FBXL13: variants seen among roughly 807,000 people sequenced by gnomAD.
FBXL13 encodes F-box and leucine rich repeat protein 13.
A neutral mutation model predicts 83.6 loss-of-function variants in FBXL13; 67 were observed. That is an observed-to-expected ratio of 0.80 (90% CI 0.66 to 0.98). The LOEUF is 0.98. FBXL13 is among the 50% of genes least tolerant of loss of function. The pLI is 0.00. For missense variants in FBXL13, 822 were observed against 866.5 expected (o/e 0.95, Z 0.64); for synonymous variants, 272 against 299.5 (o/e 0.91, Z 0.95).
chr7:102,925,940 C>CA (rs66682276), intron 10 of FBXL13, among the ~76,000 whole-genome samples: 6,585 of 100,906 alleles, frequency 0.065, 247 homozygotes, highest in South Asian at 0.15. Flanking sequence ...GACTCTGTCT[C>CA]AAAAAAAAAA....
chr7:102,897,483 T>C (rs1812399857), intron 11 of FBXL13, among the ~76,000 whole-genome samples: 1 of 151,852 alleles, frequency 6.6e-6, no homozygotes, highest in South Asian at 2.1e-4. Context: ...GGGAGGGGAA[T>C]ATAAATGGGA....
At chr7:103,015,680 C>CCAGTTATTTG (rs1792209697) in intron 6 of FBXL13, among the ~76,000 whole-genome samples, 1 of 151,376 alleles carries the variant, frequency 6.6e-6, no homozygotes, top group South Asian at 2.1e-4. Flanking sequence ...GCCTGTAATT[C>CCAGTTATTTG]CAGTTATTTG....
intron 8 of FBXL13, among the ~76,000 whole-genome samples, chr7:102,955,597 G>T (rs896757272): frequency 2.0e-5 from 3 of 150,338 alleles, no homozygotes; most frequent in Non-Finnish European, 4.4e-5. Context: ...ATGAATCCAG[G>T]AGTTTTTTTT....
At chr7:102,948,744 C>T (rs1822944367) in intron 8 of FBXL13, among the ~76,000 whole-genome samples, 1 of 151,546 alleles carries the variant, frequency 6.6e-6, no homozygotes, top group East Asian at 1.9e-4. Context: ...CACAGTCTCG[C>T]TCTGTCACCC....
chr7:103,027,376 CA>C, intron 5 of FBXL13, 72 bp downstream of exon 6: 1 of 927,290 alleles, frequency 1.1e-6, no homozygotes. Flanking sequence ...CCACACACGG[CA>C]TTACTATTTG....
chr7:102,938,469 G>T (rs542745623), intron 8 of FBXL13, among the ~76,000 whole-genome samples: 1 of 152,180 alleles, frequency 6.6e-6, no homozygotes, highest in Admixed American at 6.5e-5. Flanking sequence ...ATTACCTGGA[G>T]AAATTTCCTA....
At chr7:102,972,814 T>C (rs1263621877) in intron 6 of FBXL13, among the ~76,000 whole-genome samples, 1 of 151,844 alleles carries the variant, frequency 6.6e-6, no homozygotes, top group Non-Finnish European at 1.5e-5. Context: ...TTTAACAAAA[T>C]GTATTGGTTA....
chr7:103,067,253 T>C (rs1798491716), intron 1 of FBXL13, among the ~76,000 whole-genome samples: 1 of 152,154 alleles, frequency 6.6e-6, no homozygotes, highest in Non-Finnish European at 1.5e-5. Context: ...CTGCTGGATA[T>C]TTGAGTTTTA....
At chr7:103,066,483 C>T (rs146168221) in intron 1 of FBXL13, among the ~76,000 whole-genome samples, 1,667 of 152,128 alleles carry the variant, frequency 0.011, 34 homozygotes, top group African/African-American at 0.039. Context: ...GCTCTGCCTC[C>T]CGGGTTCACA....
intron 10 of FBXL13, among the ~76,000 whole-genome samples, chr7:102,915,900 A>G (rs1000360631): frequency 8.5e-5 from 13 of 152,220 alleles, no homozygotes; most frequent in African/African-American, 2.9e-4. Context: ...TTATATGAGT[A>G]AAAATGTCCC....
At chr7:102,970,501 G>A (rs967638285) in intron 6 of FBXL13, among the ~76,000 whole-genome samples, 2 of 152,108 alleles carry the variant, frequency 1.3e-5, no homozygotes, top group African/African-American at 2.4e-5. Flanking sequence ...GGTTCCACTG[G>A]TAATAACTCT....
intron 17 of FBXL13, among the ~76,000 whole-genome samples, chr7:102,854,032 A>C (rs1306247878): frequency 6.6e-6 from 1 of 152,212 alleles, no homozygotes; most frequent in African/African-American, 2.4e-5. Context: ...TATATACCCA[A>C]AGGACTATAA....
At chr7:102,996,951 A>G (rs1397468083) in intron 6 of FBXL13, among the ~76,000 whole-genome samples, 1 of 152,190 alleles carries the variant, frequency 6.6e-6, no homozygotes, top group Non-Finnish European at 1.5e-5. Context: ...ACCATTGGTT[A>G]TATTTTATTA....
At chr7:103,016,149 AG>A (rs1355010290) in intron 6 of FBXL13, among the ~76,000 whole-genome samples, 3 of 152,224 alleles carry the variant, frequency 2.0e-5, no homozygotes, top group Non-Finnish European at 4.4e-5. Context: ...TCACAGAATT[AG>A]AAAAAAACTA....
chr7:102,858,099 C>A (rs1352578603), intron 16 of FBXL13, among the ~76,000 whole-genome samples: 1 of 152,138 alleles, frequency 6.6e-6, no homozygotes, highest in African/African-American at 2.4e-5. Context: ...TATATATACA[C>A]AATGGCATAC....
chr7:103,052,850 A>G (rs1796963864), intron 2 of FBXL13, among the ~76,000 whole-genome samples: 1 of 145,038 alleles, frequency 6.9e-6, no homozygotes. Context: ...TCCGCCTCCC[A>G]GGTTCAAGTG....
intron 8 of FBXL13, among the ~76,000 whole-genome samples, chr7:102,941,817 T>C (rs1229384953): frequency 1.3e-5 from 2 of 151,470 alleles, no homozygotes; most frequent in Non-Finnish European, 2.9e-5. Flanking sequence ...TGAGTAACAG[T>C]GTGGCAATGT....
intron 6 of FBXL13, among the ~76,000 whole-genome samples, chr7:103,003,083 T>A (rs751802581): frequency 2.0e-5 from 3 of 152,042 alleles, no homozygotes; most frequent in Non-Finnish European, 4.4e-5. Context: ...CATTCTTCAT[T>A]CCTTTTCTTT....
chr7:102,961,831 C>T (rs1191286440), intron 8 of FBXL13, among the ~76,000 whole-genome samples: 2 of 136,310 alleles, frequency 1.5e-5, no homozygotes, highest in African/African-American at 2.8e-5. Context: ...ATACAAAAAT[C>T]AATTCAAGAT....
Sources: allele counts gnomAD v4.1 joint callset (sites outside exome capture counted in the v4.1 genomes callset), GRCh38; gene constraint gnomAD v4.1.1; transcripts MANE v1.5; gene names NCBI Gene and HGNC (gene_info 2026-07-23, HGNC 2026-07-21).